The following AFF2 variants were observed in gnomAD, a reference collection of about 807,000 sequenced individuals.
AFF2 encodes AF4/FMR2 family member 2.
A neutral mutation model predicts 76.9 loss-of-function variants in AFF2; 14 were observed. That is an observed-to-expected ratio of 0.18 (90% CI 0.12 to 0.28). AFF2 has a LOEUF of 0.28. AFF2 is among the 10% of genes least tolerant of loss of function. The probability of loss-of-function intolerance (pLI) is 1.00; values close to 1 mark genes in which losing one functional copy is unlikely to be tolerated. For missense variants in AFF2, 868 were observed against 1,001.1 expected, an observed-to-expected ratio of 0.87 and a Z score of 1.79; for synonymous variants, 398 against 366.7, an observed-to-expected ratio of 1.09 and a Z score of -0.98.
chrX:148,781,641 G>A (rs782238261), intron 3 of AFF2, among the ~76,000 whole-genome samples: 4 of 111,976 alleles, frequency 3.6e-5, no homozygotes, highest in African/African-American at 1.3e-4. Context: ...GAGATCCATG[G>A]GGGTGGGATC....
intron 9 of AFF2, among the ~76,000 whole-genome samples, chrX:148,952,631 G>A (rs1178894673): frequency 8.9e-6 from 1 of 112,085 alleles, no homozygotes; most frequent in Non-Finnish European, 1.9e-5. Flanking sequence ...GTACCAAGTT[G>A]CAGCTGAGGC....
chrX:148,847,111 G>C (rs1350468643), intron 7 of AFF2, among the ~76,000 whole-genome samples: 1 of 111,522 alleles, frequency 9.0e-6, no homozygotes, highest in Non-Finnish European at 1.9e-5. Flanking sequence ...AGAAACCAAG[G>C]TGAAGAACTT....
chrX:148,581,813 G>T (rs1186041731), intron 1 of AFF2, among the ~76,000 whole-genome samples: 2 of 111,883 alleles, frequency 1.8e-5, no homozygotes, highest in African/African-American at 3.2e-5. Context: ...ACAGCATATT[G>T]ATCAAAATCA....
chrX:148,941,418 G>A (rs2071832621), intron 9 of AFF2, among the ~76,000 whole-genome samples: 1 of 111,874 alleles, frequency 8.9e-6, no homozygotes, highest in African/African-American at 3.2e-5. Context: ...AATGTAGGCT[G>A]GGTTGGCTAA....
intron 7 of AFF2, among the ~76,000 whole-genome samples, chrX:148,860,334 T>C (rs1182727862): frequency 8.9e-6 from 1 of 111,961 alleles, no homozygotes; most frequent in Non-Finnish European, 1.9e-5. Flanking sequence ...TTGAGAAAAT[T>C]AGATCAGTTT....
At chrX:148,676,989 G>A (rs1435364866) in intron 3 of AFF2, among the ~76,000 whole-genome samples, 1 of 111,008 alleles carries the variant, frequency 9.0e-6, no homozygotes, top group Non-Finnish European at 1.9e-5. Context: ...GGGGAAGGGA[G>A]TAACATGTTA....
At chrX:148,581,766 G>A (rs1342038066) in intron 1 of AFF2, among the ~76,000 whole-genome samples, 6 of 112,462 alleles carry the variant, frequency 5.3e-5, no homozygotes, top group Non-Finnish European at 1.1e-4. Flanking sequence ...AAAGTTCAAT[G>A]TATACTTACT....
intron 3 of AFF2, among the ~76,000 whole-genome samples, chrX:148,706,581 A>T (rs1362475751): frequency 8.9e-6 from 1 of 112,612 alleles, no homozygotes; most frequent in Non-Finnish European, 1.9e-5. Flanking sequence ...TTCCAGATCA[A>T]GAATGTTCAA....
At chrX:148,691,750 G>A (rs1437039120) in intron 3 of AFF2, among the ~76,000 whole-genome samples, 3 of 111,727 alleles carry the variant, frequency 2.7e-5, no homozygotes, top group African/African-American at 9.8e-5. Flanking sequence ...ATTTTGCCAT[G>A]CTCAGTAGGT....
intron 3 of AFF2, among the ~76,000 whole-genome samples, chrX:148,781,870 A>T (rs1557269106): frequency 1.8e-5 from 2 of 111,505 alleles, no homozygotes; most frequent in Admixed American, 9.5e-5. Context: ...GGTTGCAAAG[A>T]CCATGGGAAA....
At chrX:148,795,835 ATATATATATATATATATAT>A (rs2069971775) in intron 3 of AFF2, among the ~76,000 whole-genome samples, 1 of 11,607 alleles carries the variant, frequency 8.6e-5, no homozygotes, top group African/African-American at 3.6e-4. Flanking sequence ...AAAAAAAAAT[ATATATATATATATATATAT>A]ATATATATAT....
Position 148,962,707 on chromosome X carries a change from T to G in AFF2, c.2691-8T>G, listed in dbSNP as rs2072123373. On this transcript the variant is annotated splice_polypyrimidine_tract_variant and splice_region_variant and intron_variant, in intron 12 of 20. Coordinates refer to ENST00000370460, the MANE Select transcript of AFF2 (RefSeq NM_002025.4). ...TTTATGACACCCTACACTTCTTGTT[T>G]TTCACAGAAATAATTCATCCAGGAG... The G allele has an allele frequency of 4.2e-6, 5 of 1,195,512 alleles. No homozygotes were observed.
chrX:148,873,976 C>G (rs781908035), intron 7 of AFF2, among the ~76,000 whole-genome samples: 8 of 111,678 alleles, frequency 7.2e-5, no homozygotes, highest in African/African-American at 2.6e-4. Flanking sequence ...CTATTCTCCA[C>G]GTATCTATAT....
chrX:148,936,477 C>A (rs782357475), intron 9 of AFF2, among the ~76,000 whole-genome samples: 1 of 112,386 alleles, frequency 8.9e-6, no homozygotes, highest in African/African-American at 3.2e-5. Flanking sequence ...TTCACCATGA[C>A]ACTTCTCTAG....
At chrX:148,771,865 G>A (rs1424786948) in intron 3 of AFF2, among the ~76,000 whole-genome samples, 1 of 111,661 alleles carries the variant, frequency 9.0e-6, no homozygotes, top group Non-Finnish European at 1.9e-5. Context: ...ATTTTAAGTA[G>A]GAAATTAGTT....
At chrX:148,802,946 G>A (rs1464965144) in intron 3 of AFF2, among the ~76,000 whole-genome samples, 1 of 111,536 alleles carries the variant, frequency 9.0e-6, no homozygotes, top group Non-Finnish European at 1.9e-5. Flanking sequence ...CTCTAGTTTT[G>A]CAGTCTTCTC....
intron 3 of AFF2, among the ~76,000 whole-genome samples, chrX:148,781,945 C>T (rs2069751553): frequency 9.0e-6 from 1 of 111,198 alleles, no homozygotes; most frequent in African/African-American, 3.3e-5. Flanking sequence ...GAGGGAGTTC[C>T]CTGACCCCTT....
intron 3 of AFF2, among the ~76,000 whole-genome samples, chrX:148,791,857 A>G (rs1258930500): frequency 1.8e-5 from 2 of 111,585 alleles, no homozygotes; most frequent in Non-Finnish European, 3.8e-5. Context: ...CATCAGAGCA[A>G]TGGACAAATT....
chrX:148,751,159 C>T (rs1476169507), intron 3 of AFF2, among the ~76,000 whole-genome samples: 1 of 112,300 alleles, frequency 8.9e-6, no homozygotes, highest in Non-Finnish European at 1.9e-5. Flanking sequence ...GTGCTAACAA[C>T]ATTTTTGAAT....
Sources: gnomAD v4.1 joint callset for allele counts (sites outside exome capture counted in the v4.1 genomes callset) on GRCh38, gnomAD v4.1.1 for gene constraint, MANE v1.5 for transcripts, NCBI Gene and HGNC (gene_info 2026-07-23, HGNC 2026-07-21) for gene names.